Variants in LAPTM5 observed in about 807,000 individuals in gnomAD.
LAPTM5 encodes lysosomal protein transmembrane 5.
LAPTM5 carries 11 observed loss-of-function variants against 30.1 expected under a neutral mutation model. The observed-to-expected ratio is 0.37, with a 90% CI of 0.23 to 0.60. The LOEUF (loss-of-function observed/expected upper bound fraction) is 0.60, where lower values mean the gene tolerates loss of function less well. Ranked by LOEUF, LAPTM5 falls within the 20% of genes least tolerant of loss-of-function variation. LAPTM5 has a pLI of 0.71. For synonymous variants in LAPTM5, 151 were observed against 137.9 expected (o/e 1.10, Z -0.67); for missense variants, 324 against 332.5 (o/e 0.97, Z 0.20).
At chr1:30,749,299 T>C (rs564089907) in intron 1 of LAPTM5, among the ~76,000 whole-genome samples, 51 of 152,200 alleles carry the variant, frequency 3.4e-4, no homozygotes, top group African/African-American at 1.2e-3. Context: ...GTATGTATTA[T>C]AGAACTACAT....
At position 30,735,184 on chromosome 1, in the gene LAPTM5, T is replaced by A; in HGVS notation, c.688A>T (p.Met230Leu). ...GCAGCCACACTCACCTTCTGGAGCATCTTGGAGTTTCTCTTCTCCTCCACC... is the reference window on the plus strand; with the variant it reads ...GCAGCCACACTCACCTTCTGGAGCAACTTGGAGTTTCTCTTCTCCTCCACC... ...NSVEEKRNSK[M>L]LQKVVLPSYE... Residue 230 changes from methionine (M) to leucine (L), a missense_variant, in exon 7 of 8, where the codon ATG becomes TTG. Coordinates refer to ENST00000294507, the MANE Select transcript of LAPTM5 (RefSeq NM_006762.3). 6.2e-7 allele frequency: 1 copy of A among 1,613,174 alleles called. No homozygotes were observed. Among genetic ancestry groups the A allele is most frequent in the Non-Finnish European group, 8.5e-7 (1 of 1,179,300 alleles).
intron 1 of LAPTM5, among the ~76,000 whole-genome samples, chr1:30,751,803 G>A (rs1312427344): frequency 6.6e-6 from 1 of 152,184 alleles, no homozygotes; most frequent in African/African-American, 2.4e-5. Flanking sequence ...TCACCTGCTA[G>A]CCCTCCACCC....
At chr1:30,747,543 C>T (rs887426564) in intron 1 of LAPTM5, among the ~76,000 whole-genome samples, 8 of 152,170 alleles carry the variant, frequency 5.3e-5, no homozygotes, top group African/African-American at 1.7e-4. Context: ...TTCTTATTCC[C>T]GTCTGCACGC....
chr1:30,752,331 T>G (rs996723542), intron 1 of LAPTM5, among the ~76,000 whole-genome samples: 1 of 152,180 alleles, frequency 6.6e-6, no homozygotes, highest in African/African-American at 2.4e-5. Flanking sequence ...AGATCCATCT[T>G]CTTAGCTCTG....
chr1:30,741,216 C>T (rs1161805484), intron 3 of LAPTM5, among the ~76,000 whole-genome samples: 1 of 152,212 alleles, frequency 6.6e-6, no homozygotes, highest in Non-Finnish European at 1.5e-5. Context: ...ATGGATAGAG[C>T]TGCATGCATC....
At chr1:30,755,676 A>G (rs1640198883) in intron 1 of LAPTM5, among the ~76,000 whole-genome samples, 2 of 152,178 alleles carry the variant, frequency 1.3e-5, no homozygotes, top group Non-Finnish European at 2.9e-5. Flanking sequence ...AGAAACCTTA[A>G]CAGCCCCACA....
In LAPTM5 at chr1:30,737,717, G is replaced by A. The variant is rs373967290; in HGVS notation, c.511-18C>T. On this transcript the variant is annotated intron_variant, in intron 5 of 7. Coordinates refer to ENST00000294507, the MANE Select transcript of LAPTM5 (RefSeq NM_006762.3). ...AGGTAATTCTGCAACAGATTTGGGG[G>A]CCACATCAATGTCTCTGGACATAAG... is the stretch of plus-strand genomic sequence containing the variant. 8 of 1,544,108 alleles carry A rather than the reference G, an allele frequency of 5.2e-6. No homozygotes were observed. The highest frequency in any genetic ancestry group is 6.3e-6 in the Non-Finnish European group (7 of 1,117,416).
At chr1:30,755,329 C>T (rs1331646236) in intron 1 of LAPTM5, among the ~76,000 whole-genome samples, 1 of 151,730 alleles carries the variant, frequency 6.6e-6, no homozygotes, top group Non-Finnish European at 1.5e-5. Context: ...CAATTCACTC[C>T]CCCAAGATGA....
At chr1:30,740,399 T>TCCCCCCCCCCCCCCCCC (rs148522746) in intron 3 of LAPTM5, among the ~76,000 whole-genome samples, 4 of 103,186 alleles carry the variant, frequency 3.9e-5, no homozygotes, top group African/African-American at 8.2e-5. Context: ...AGAGAGCCCC[T>TCCCCCCCCCCCCCCCCC]CCCCCCCACC....
At chr1:30,735,314 C>G in intron 6 of LAPTM5, 49 bp from the exon 7 acceptor site, 2 of 1,499,418 alleles carry the variant, frequency 1.3e-6, no homozygotes, top group Non-Finnish European at 1.9e-6. Flanking sequence ...GTCCTTCTCA[C>G]GCTCCAGCAG....
In LAPTM5 at chr1:30,733,739, C is replaced by T. The variant is rs1312221952; in HGVS notation, c.*89G>A. ...CCTGCCAGGGAGGGGCGGGAGGGCCCACCCAGGCCACAGGGGCCACCAAAG... is the reference window on the plus strand; with the variant it reads ...CCTGCCAGGGAGGGGCGGGAGGGCCTACCCAGGCCACAGGGGCCACCAAAG... On this transcript the variant is annotated 3_prime_UTR_variant, in exon 8 of 8. Coordinates refer to ENST00000294507, the MANE Select transcript of LAPTM5 (RefSeq NM_006762.3). The T allele has an allele frequency of 3.9e-6, 6 of 1,535,008 alleles. No homozygotes were observed. The highest frequency in any genetic ancestry group is 5.2e-6 in the Non-Finnish European group (6 of 1,145,488).
chr1:30,740,057 A>C (rs1398133266), intron 3 of LAPTM5, 120 bp from the exon 4 acceptor site: 1 of 1,156,432 alleles, frequency 8.6e-7, no homozygotes, highest in East Asian at 3.2e-5. Context: ...TGCCCTCCTC[A>C]GTTGAGGTCA....
chr1:30,745,035 G>C (rs1640022898), intron 1 of LAPTM5, among the ~76,000 whole-genome samples: 1 of 151,992 alleles, frequency 6.6e-6, no homozygotes, highest in Admixed American at 6.5e-5. Context: ...CCCGACTTTA[G>C]AGACCTCTAC....
Position 30,737,642 on chromosome 1 carries a change from T to C in LAPTM5, c.568A>G (p.Ile190Val). 5.0e-6 allele frequency: 8 copies of C among 1,613,836 alleles called. No homozygotes were observed. The highest frequency in any genetic ancestry group is 5.9e-6 in the Non-Finnish European group (7 of 1,179,868). ...PHNQFIKMMI[I>V]FSIAFITVLI... ...ACAGTGATGAAGGCGATGGAAAAGA[T>C]GATCATCATCTTGATGAACTGGTTA... Residue 190 changes from isoleucine (I) to valine (V), a missense_variant, in exon 6 of 8, where the codon ATC becomes GTC. By Grantham distance (29) the Ile-to-Val change is conservative (BLOSUM62 3). Transcript: ENST00000294507.
Position 30,746,945 on chromosome 1 carries a change from T to G in LAPTM5, c.88-4396A>C, listed in dbSNP as rs1157230202. The stretch of plus-strand genomic sequence containing the variant: ...CCTCTGGGCATTCACTGACTCTCAG[T>G]AAACACTCTCTGAGCACCTACCGCC... On this transcript the variant is annotated intron_variant, in intron 1 of 7. Coordinates refer to ENST00000294507, the MANE Select transcript of LAPTM5 (RefSeq NM_006762.3). The surrounding 1 kb of genome is among the most constrained non-coding windows in gnomAD (Gnocchi z 4.0). Among the ~76,000 whole-genome samples the G allele has an allele frequency of 2.0e-5, 3 of 152,114 alleles. No individual in the cohort carries two copies. Among genetic ancestry groups the G allele is most frequent in the Non-Finnish European group, 2.9e-5 (2 of 68,024 alleles).
chr1:30,733,454 C>A lies in LAPTM5; in HGVS notation c.*374G>T. ...ACTGTTGTTTGACCAAATTATTTTA[C>A]TGAACTGACAAGTGGGTTTTTGATT... On this transcript the variant is annotated 3_prime_UTR_variant, in exon 8 of 8. Transcript: ENST00000294507. 1 of 1,214,100 alleles carries A rather than the reference C, an allele frequency of 8.2e-7. No individual in the cohort carries two copies. The allele number at this position is 1,214,100 out of a possible 1,614,324, so 75.2% of individuals were successfully genotyped here.
chr1:30,742,498 T>TGCCATGGGCCACCTC lies in LAPTM5; in HGVS notation c.124_138dup (p.Glu42_Gly46dup). ...ATCTGGGAGAGCTTGCAGGACGCCTTGCCATGGGCCACCTCTACTGAGTGC... is the reference window on the plus strand; with the variant it reads ...ATCTGGGAGAGCTTGCAGGACGCCTTGCCATGGGCCACCTCGCCATGGGCCACCTCTACTGAGTGC... On this transcript the variant is annotated inframe_insertion, in exon 2 of 8. Transcript: ENST00000294507. The TGCCATGGGCCACCTC allele has an allele frequency of 6.2e-7, 1 of 1,613,828 alleles. No individual in the cohort carries two copies. The highest frequency in any genetic ancestry group is 8.5e-7 in the Non-Finnish European group (1 of 1,179,968).
At chr1:30,747,337 G>A (rs183563900) in intron 1 of LAPTM5, among the ~76,000 whole-genome samples, 39 of 152,254 alleles carry the variant, frequency 2.6e-4, no homozygotes, top group South Asian at 4.1e-4. Flanking sequence ...TGTTACCAGC[G>A]GGGAAATATG....
Position 30,733,543 on chromosome 1 carries a change from T to C in LAPTM5, c.*285A>G. ...CTTGACAAACTCACCAACTTTAGAA[T>C]GGCCAATCGTCTAAACAAGTGTCAG... On this transcript the variant is annotated 3_prime_UTR_variant, in exon 8 of 8. Transcript: ENST00000294507. 6.8e-7 allele frequency: 1 copy of C among 1,473,874 alleles called. No homozygotes were observed. The allele number at this position is 1,473,874 out of a possible 1,614,324, so 91.3% of individuals were successfully genotyped here.
Sources: allele counts gnomAD v4.1 joint callset (sites outside exome capture counted in the v4.1 genomes callset), GRCh38; gene constraint gnomAD v4.1.1; non-coding constraint Gnocchi (gnomAD v3.1); transcripts MANE v1.5; gene names NCBI Gene and HGNC (gene_info 2026-07-23, HGNC 2026-07-21).